The following SYNE1 variants were observed in gnomAD, a reference collection of about 807,000 sequenced individuals.
SYNE1 encodes nesprin-1.
Under a neutral mutation model 1,111.0 loss-of-function variants are expected in SYNE1, and 616 were observed. The ratio of observed to expected loss-of-function variants is 0.55; its 90% CI spans 0.52 to 0.59. The LOEUF (loss-of-function observed/expected upper bound fraction) is 0.59. Among genes scored for constraint, SYNE1 ranks in the 20% least tolerant of loss-of-function variants. The probability of loss-of-function intolerance (pLI) is 0.00; values close to 1 mark genes in which losing one functional copy is unlikely to be tolerated. For missense variants in SYNE1, 10,006 were observed against 10,417.0 expected (o/e 0.96, Z 1.72); for synonymous variants, 3,855 against 3,825.8 (o/e 1.01, Z -0.28).
intron 145 of SYNE1, chr6:152,128,205 A>G (rs538285173): frequency 2.4e-4 from 36 of 152,352 alleles, no homozygotes; most frequent in African/African-American, 8.4e-4. Context: ...CAGCTAGACC[A>G]TCATAAGCAT....
intron 55 of SYNE1, among the ~76,000 whole-genome samples, chr6:152,382,901 T>C (rs2097448667): frequency 6.6e-6 from 1 of 152,220 alleles, no homozygotes; most frequent in Non-Finnish European, 1.5e-5. Flanking sequence ...CTTTTGCATA[T>C]ATTTTCTTAT....
rs72461138 is a variant in SYNE1, at chr6:152,363,497, CTAAATAAATAAATAAATAAA to C, written c.10146-1194_10146-1175del. On this transcript the variant is annotated intron_variant, in intron 63 of 145. Transcript: ENST00000367255. Reference sequence around the variant, plus strand: ...CGACAGAGCAAGACTCCGTCTCAAACTAAATAAATAAATAAATAAATAAATAAATAAATAAATAAATAAAT... The same window carrying C: ...CGACAGAGCAAGACTCCGTCTCAAACTAAATAAATAAATAAATAAATAAAT... Among the ~76,000 whole-genome samples the C allele has an allele frequency of 4.0e-3, 583 of 144,240 alleles. 4 individuals carry two copies. The highest frequency in any genetic ancestry group is 0.014 in the East Asian group (64 of 4,704). The allele number at this position is 144,240 out of a possible 152,430, so 94.6% of individuals were successfully genotyped here. A position where few individuals can be genotyped will look rare whatever the true frequency, so the allele number is the denominator to read the frequency against.
At chr6:152,301,837 A>G in intron 92 of SYNE1, 32 bp downstream of exon 92, 1 of 1,583,170 alleles carries the variant, frequency 6.3e-7, no homozygotes, top group Non-Finnish European at 8.6e-7. Context: ...CCAGTCAAAG[A>G]GCAAAGCCGC....
intron 100 of SYNE1, among the ~76,000 whole-genome samples, chr6:152,266,516 T>A (rs1298687701): frequency 6.6e-6 from 1 of 152,236 alleles, no homozygotes; most frequent in African/African-American, 2.4e-5. Context: ...CATGGTCTAA[T>A]CAGCATCTTT....
chr6:152,146,551 C>T (rs533415341), intron 137 of SYNE1: 13 of 152,286 alleles, frequency 8.5e-5, no homozygotes, highest in African/African-American at 3.1e-4. Flanking sequence ...CTTCAGATGC[C>T]ATATGCCTGA....
intron 3 of SYNE1, among the ~76,000 whole-genome samples, chr6:152,585,641 T>C (rs1316644641): frequency 1.3e-5 from 2 of 152,210 alleles, no homozygotes; most frequent in Non-Finnish European, 2.9e-5. Flanking sequence ...GTTGTGCAGA[T>C]ATTTTTAGGC....
intron 3 of SYNE1, among the ~76,000 whole-genome samples, chr6:152,556,112 A>G (rs1038053572): frequency 6.6e-6 from 1 of 152,218 alleles, no homozygotes; most frequent in African/African-American, 2.4e-5. Context: ...AGATGGCATA[A>G]TAGCAGTTTC....
rs145766336 is a variant in SYNE1, at chr6:152,535,039, A to G, written c.129+4921T>C. Among the ~76,000 whole-genome samples, 19 of 152,338 alleles carry G rather than the reference A, an allele frequency of 1.2e-4. 1 individual carries two copies. In the East Asian group the frequency reaches 3.1e-3, roughly 25 times the overall value. ...ATCTTAACCCCCCAAAATGCTGCAGAATGCAGCCTTATTTGGAAATAGAGT... is the reference window on the plus strand; with the variant it reads ...ATCTTAACCCCCCAAAATGCTGCAGGATGCAGCCTTATTTGGAAATAGAGT... On this transcript the variant is annotated intron_variant, in intron 4 of 145. Transcript: ENST00000367255.
At chr6:152,608,009 A>T (rs2099620778) in intron 3 of SYNE1, among the ~76,000 whole-genome samples, 1 of 152,172 alleles carries the variant, frequency 6.6e-6, no homozygotes, top group East Asian at 1.9e-4. Context: ...CAGGGAGAGG[A>T]ACAACACACA....
chr6:152,549,954 A>T (rs1363997702), intron 3 of SYNE1, among the ~76,000 whole-genome samples: 1 of 152,170 alleles, frequency 6.6e-6, no homozygotes, highest in African/African-American at 2.4e-5. Flanking sequence ...AAGGAATATA[A>T]TTATCTCCGT....
intron 3 of SYNE1, among the ~76,000 whole-genome samples, chr6:152,615,486 T>A (rs2099643384): frequency 6.6e-6 from 1 of 152,020 alleles, no homozygotes; most frequent in Non-Finnish European, 1.5e-5. Flanking sequence ...TTCAAATATA[T>A]CAGAAATAAC....
At chr6:152,613,929 C>A (rs2128821870) in intron 3 of SYNE1, among the ~76,000 whole-genome samples, 1 of 152,242 alleles carries the variant, frequency 6.6e-6, no homozygotes, top group East Asian at 1.9e-4. Flanking sequence ...AACTGGCTAG[C>A]CATAGATAGA....
chr6:152,536,455 T>TA (rs1564712100), intron 4 of SYNE1, among the ~76,000 whole-genome samples: 1 of 123,220 alleles, frequency 8.1e-6, no homozygotes, highest in African/African-American at 2.8e-5. Flanking sequence ...TAATATATAT[T>TA]TATATATATA....
At position 152,390,271 on chromosome 6, in the gene SYNE1, G is replaced by A. The variant is rs56877632; in HGVS notation, c.8177+9C>T. ...GGACTTAAACAAACTCTAAAAATAG[G>A]TTCTGTACCTTTGAGCGTGGACGGA... On this transcript the variant is annotated intron_variant, in intron 53 of 145. Transcript: ENST00000367255. 27,098 of 1,613,612 alleles carry A rather than the reference G, an allele frequency of 0.017. 3,926 individuals carry two copies. The African/African-American group carries it at 0.31, about 19-fold the overall frequency.
intron 9 of SYNE1, among the ~76,000 whole-genome samples, chr6:152,504,518 G>A (rs944966718): frequency 6.6e-6 from 1 of 152,134 alleles, no homozygotes. Context: ...TGCTTTCACT[G>A]TATATTTACA....
intron 101 of SYNE1, among the ~76,000 whole-genome samples, chr6:152,261,088 C>T (rs1456868296): frequency 3.3e-5 from 5 of 152,186 alleles, no homozygotes; most frequent in African/African-American, 1.2e-4. Flanking sequence ...GTTATTGACA[C>T]CCTTTGCTTC....
At chr6:152,482,962 A>C in intron 14 of SYNE1, 123 bp downstream of exon 14, 1 of 1,087,814 alleles carries the variant, frequency 9.2e-7, no homozygotes, top group East Asian at 2.3e-5. Context: ...AGAAGGTGTG[A>C]CGTCTCCGAT....
chr6:152,380,907 G>A (rs2097401269), intron 56 of SYNE1, 99 bp downstream of exon 56: 3 of 1,097,196 alleles, frequency 2.7e-6, no homozygotes, highest in Non-Finnish European at 4.2e-6. Flanking sequence ...TGTGCATGTT[G>A]CGTGTTTTTA....
intron 93 of SYNE1, among the ~76,000 whole-genome samples, chr6:152,299,936 CTT>C (rs1288679805): frequency 5.9e-5 from 9 of 152,074 alleles, no homozygotes; most frequent in Non-Finnish European, 1.2e-4. Context: ...CATTAAAAGT[CTT>C]TGGTTACTAT....
Sources: allele counts gnomAD v4.1 joint callset (sites outside exome capture counted in the v4.1 genomes callset), GRCh38; gene constraint gnomAD v4.1.1; transcripts MANE v1.5; gene names NCBI Gene and HGNC (gene_info 2026-07-23, HGNC 2026-07-21).